Variants in GULP1 observed in about 807,000 individuals in gnomAD.
GULP1 encodes PTB domain-containing engulfment adapter protein 1.
GULP1 carries 19 observed loss-of-function variants against 40.9 expected under a neutral mutation model. The ratio of observed to expected loss-of-function variants is 0.46; its 90% CI spans 0.32 to 0.68. The LOEUF is 0.68. GULP1 is among the 30% of genes least tolerant of loss of function. GULP1 has a pLI of 0.03. For missense variants in GULP1, 312 were observed against 362.2 expected, an observed-to-expected ratio of 0.86 and a Z score of 1.12; for synonymous variants, 119 against 117.6, an observed-to-expected ratio of 1.01 and a Z score of -0.08.
At chr2:188,345,865 T>C (rs969579269) in intron 1 of GULP1, among the ~76,000 whole-genome samples, 3 of 152,230 alleles carry the variant, frequency 2.0e-5, no homozygotes, top group Admixed American at 6.5e-5. Flanking sequence ...CAAATACTTA[T>C]TAAACAATAA....
intron 1 of GULP1, among the ~76,000 whole-genome samples, chr2:188,375,363 C>T (rs537614566): frequency 6.6e-6 from 1 of 152,186 alleles, no homozygotes; most frequent in Non-Finnish European, 1.5e-5. Context: ...ATATATTGCA[C>T]ACTCTATGGA....
chr2:188,582,289 T>C lies in GULP1; in HGVS notation c.610-1976T>C. On this transcript the variant is annotated intron_variant, in intron 9 of 11. Coordinates refer to ENST00000409830, the MANE Select transcript of GULP1 (RefSeq NM_016315.4). The stretch of plus-strand genomic sequence containing the variant: ...TAAATTTCAAGTATACTTTCTCCTT[T>C]CCTCCATGCCTGCCCTCTTAGGATA... 4 of 450,292 alleles carry C rather than the reference T, an allele frequency of 8.9e-6. No individual in the cohort carries two copies. The Admixed American group carries it at 9.6e-5, about 11-fold the overall frequency. The allele number at this position is 450,292 out of a possible 1,614,324, so 27.9% of individuals were successfully genotyped here.
chr2:188,405,742 G>A (rs528914482), intron 2 of GULP1, among the ~76,000 whole-genome samples: 2 of 152,320 alleles, frequency 1.3e-5, no homozygotes, highest in South Asian at 2.1e-4. Context: ...AAGGACCCCA[G>A]CAGCAAGCCT....
chr2:188,451,335 T>C (rs953689943), intron 2 of GULP1, among the ~76,000 whole-genome samples: 4 of 152,114 alleles, frequency 2.6e-5, no homozygotes, highest in Non-Finnish European at 4.4e-5. Context: ...TTGCCACATA[T>C]GGTTTGCATT....
chr2:188,544,887 A>T (rs145329785), intron 7 of GULP1, among the ~76,000 whole-genome samples: 170 of 152,152 alleles, frequency 1.1e-3, no homozygotes, highest in Non-Finnish European at 1.4e-3. Context: ...TAAAATACTG[A>T]GTGATCTCCA....
chr2:188,466,955 T>C (rs2060178309), intron 2 of GULP1, among the ~76,000 whole-genome samples: 1 of 152,224 alleles, frequency 6.6e-6, no homozygotes, highest in East Asian at 1.9e-4. Context: ...TAAATGGCAC[T>C]ATGATTCACT....
At chr2:188,478,661 A>C (rs2061219877) in intron 3 of GULP1, among the ~76,000 whole-genome samples, 1 of 152,124 alleles carries the variant, frequency 6.6e-6, no homozygotes, top group Admixed American at 6.6e-5. Flanking sequence ...AGGGCCCAGA[A>C]AATCTAATAC....
chr2:188,520,729 T>G (rs895475493), intron 4 of GULP1, among the ~76,000 whole-genome samples: 1 of 152,090 alleles, frequency 6.6e-6, no homozygotes, highest in Non-Finnish European at 1.5e-5. Flanking sequence ...TGTTTCTAAC[T>G]CTGTTCTTTA....
intron 4 of GULP1, among the ~76,000 whole-genome samples, chr2:188,508,449 T>C (rs111904029): frequency 1.3e-5 from 2 of 152,150 alleles, no homozygotes; most frequent in African/African-American, 4.8e-5. Context: ...AATTAGGCTG[T>C]TTATTAGCTG....
chr2:188,501,110 A>T (rs1446003800), intron 4 of GULP1, among the ~76,000 whole-genome samples: 1 of 151,876 alleles, frequency 6.6e-6, no homozygotes, highest in African/African-American at 2.4e-5. Flanking sequence ...TGAAGTTTAT[A>T]AAAATTACAA....
chr2:188,362,881 G>T (rs1362999398), intron 1 of GULP1, among the ~76,000 whole-genome samples: 2 of 151,844 alleles, frequency 1.3e-5, no homozygotes, highest in African/African-American at 4.8e-5. Flanking sequence ...AACATTTGGA[G>T]ATCTAGCACA....
intron 2 of GULP1, among the ~76,000 whole-genome samples, chr2:188,396,285 G>T (rs1333756480): frequency 6.6e-6 from 1 of 152,238 alleles, no homozygotes; most frequent in Non-Finnish European, 1.5e-5. Flanking sequence ...GCAAAGCCAG[G>T]TGGGGGCTGG....
rs149983612 is a variant in GULP1 at position 188,547,744 on chromosome 2, G to A, written c.399+6426G>A. On this transcript the variant is annotated intron_variant, in intron 7 of 11. Transcript: ENST00000409830. ...CATCCTTCAATCCAATAAAGTTGAC[G>A]CTCAGTAATAACCATCACATGCATT... 3.1e-4 allele frequency among the ~76,000 whole-genome samples: 47 copies of A among 152,182 alleles called. No homozygotes were observed. In the East Asian group the frequency reaches 8.7e-3, roughly 28 times the overall value.
intron 2 of GULP1, chr2:188,466,527 G>A (rs1338696782): frequency 6.7e-6 from 1 of 149,454 alleles, no homozygotes; most frequent in Non-Finnish European, 1.5e-5. Flanking sequence ...TCCTGACCTC[G>A]TGATCCGCCT....
At chr2:188,425,458 A>G (rs536887903) in intron 2 of GULP1, among the ~76,000 whole-genome samples, 1 of 152,234 alleles carries the variant, frequency 6.6e-6, no homozygotes, top group Non-Finnish European at 1.5e-5. Context: ...TGTCCAAGGA[A>G]CTTTGGTTTT....
chr2:188,469,724 GTTTC>G (rs2060432655), intron 2 of GULP1, among the ~76,000 whole-genome samples: 1 of 152,076 alleles, frequency 6.6e-6, no homozygotes, highest in South Asian at 2.1e-4. Flanking sequence ...GTAGAAGTAT[GTTTC>G]TTCTATACTC....
rs140726527 is a variant in GULP1 at position 188,584,281 on chromosome 2, C to G, written c.626C>G (p.Pro209Arg). The stretch of plus-strand genomic sequence containing the variant: ...TCATTGCAGGCAGGCAGTATGACAC[C>G]TAAGTCGCCCTCCACTGACATCTTT... ...VSAPPAGSMTPKSPSTDIFDM... is the reference protein window; with the variant it reads ...VSAPPAGSMTRKSPSTDIFDM... The change falls in exon 10 of 12, where the codon CCT (proline) becomes CGT (arginine). Residue 209 changes from proline (P) to arginine (R), a missense_variant. Transcript: ENST00000409830. The G allele has an allele frequency of 3.1e-6, 5 of 1,607,228 alleles. No homozygotes were observed. The highest frequency in any genetic ancestry group is 3.4e-6 in the Non-Finnish European group (4 of 1,174,450).
At chr2:188,457,322 C>T (rs2059348200) in intron 2 of GULP1, among the ~76,000 whole-genome samples, 1 of 152,086 alleles carries the variant, frequency 6.6e-6, no homozygotes, top group Non-Finnish European at 1.5e-5. Flanking sequence ...TCCCACAATT[C>T]CCACATGTTG....
chr2:188,343,972 C>G (rs989044629), intron 1 of GULP1, among the ~76,000 whole-genome samples: 3 of 151,934 alleles, frequency 2.0e-5, no homozygotes, highest in African/African-American at 4.8e-5. Context: ...ACCATGCCGG[C>G]TAATTTCTGT....
Sources: allele counts gnomAD v4.1 joint callset (sites outside exome capture counted in the v4.1 genomes callset), GRCh38; gene constraint gnomAD v4.1.1; transcripts MANE v1.5; gene names NCBI Gene and HGNC (gene_info 2026-07-23, HGNC 2026-07-21).